Variants in PCDHGA4 observed in about 807,000 individuals in gnomAD.
PCDHGA4 encodes the protein protocadherin gamma-A4.
PCDHGA4 carries 38 observed loss-of-function variants against 54.6 expected under a neutral mutation model. The observed-to-expected ratio is 0.70, with a 90% CI of 0.54 to 0.91. The LOEUF is 0.91. Among genes scored for constraint, PCDHGA4 ranks in the 40% least tolerant of loss-of-function variants. The probability of loss-of-function intolerance (pLI) is 0.00; values close to 1 mark genes in which losing one functional copy is unlikely to be tolerated. For synonymous variants in PCDHGA4, 511 were observed against 512.9 expected (o/e 1.00, Z 0.05); for missense variants, 1,298 against 1,220.9 (o/e 1.06, Z -0.94).
Position 141,486,785 on chromosome 5 carries a change from C to G in PCDHGA4, c.2515-8022C>G, listed in dbSNP as rs763174232. The G allele has an allele frequency of 2.8e-5, 45 of 1,614,102 alleles. No homozygotes were observed. The highest frequency in any genetic ancestry group is 3.6e-5 in the Non-Finnish European group (42 of 1,180,050). On this transcript the variant is annotated intron_variant, in intron 1 of 3. Coordinates refer to ENST00000571252, the MANE Select transcript of PCDHGA4 (RefSeq NM_018917.4). The surrounding 1 kb of genome is among the most constrained non-coding windows in gnomAD (Gnocchi z 5.0). ...GACACTGCAGTTTGAGGTGCAGGCC[C>G]GGGATCGGGGCAACCCACCCCTTAG... is the stretch of plus-strand genomic sequence containing the variant.
At chr5:141,373,898 A>AT (rs1769937255) in intron 1 of PCDHGA4, 1 of 541,162 alleles carries the variant, frequency 1.8e-6, no homozygotes, top group Non-Finnish European at 3.1e-6. Flanking sequence ...CTCAAGTTAC[A>AT]TCCTCCAACA....
At chr5:141,375,704 C>T in intron 1 of PCDHGA4, 2 of 1,614,268 alleles carry the variant, frequency 1.2e-6, no homozygotes, top group Non-Finnish European at 1.7e-6. Flanking sequence ...CGGGGACCCG[C>T]CTCTTAGCAG....
In PCDHGA4 at chr5:141,432,002, G is replaced by T; in HGVS notation, c.2515-62805G>T. The T allele has an allele frequency of 6.2e-7, 1 of 1,614,186 alleles. No homozygotes were observed. The highest frequency in any genetic ancestry group is 1.1e-5 in the South Asian group (1 of 91,090). ...AGACATAGTCTTGGATAGGGAACAGGTTCCTAGCTACAACATCACAGTGAC... is the reference window on the plus strand; with the variant it reads ...AGACATAGTCTTGGATAGGGAACAGTTTCCTAGCTACAACATCACAGTGAC... On this transcript the variant is annotated intron_variant, in intron 1 of 3. Coordinates refer to ENST00000571252, the MANE Select transcript of PCDHGA4 (RefSeq NM_018917.4). The surrounding 1 kb of genome is among the most constrained non-coding windows in gnomAD (Gnocchi z 6.0).
intron 1 of PCDHGA4, chr5:141,478,531 C>A (rs771145308): frequency 8.1e-6 from 13 of 1,608,072 alleles, no homozygotes; most frequent in Admixed American, 5.1e-5. Context: ...GTGCAGAGAG[C>A]GCCCCTCCCG....
chr5:141,449,782 T>C (rs2098655261), intron 1 of PCDHGA4, among the ~76,000 whole-genome samples: 1 of 151,720 alleles, frequency 6.6e-6, no homozygotes, highest in South Asian at 2.1e-4. Flanking sequence ...GAAATTATGT[T>C]TCTTTATTCC....
chr5:141,394,100 A>G (rs370480326), intron 1 of PCDHGA4: 2 of 1,613,942 alleles, frequency 1.2e-6, no homozygotes, highest in Non-Finnish European at 1.7e-6. Context: ...ATCTAGGAAC[A>G]CCACCTCTGT....
chr5:141,410,045 G>C (rs962300160), intron 1 of PCDHGA4: 1 of 1,613,166 alleles, frequency 6.2e-7, no homozygotes. Context: ...CAGTGAGCCC[G>C]GACTCTTCAG....
At chr5:141,423,332 C>T in intron 1 of PCDHGA4, 1 of 1,614,198 alleles carries the variant, frequency 6.2e-7, no homozygotes, top group South Asian at 1.1e-5. Flanking sequence ...GCCGCAGTCT[C>T]CTGCATCTTC....
Position 141,355,419 on chromosome 5 carries a change from G to A in PCDHGA4, c.312G>A (p.Gln104=). Residue 104 remains glutamine, a synonymous_variant, in exon 1 of 4, where the codon CAG becomes CAA. Coordinates refer to ENST00000571252, the MANE Select transcript of PCDHGA4 (RefSeq NM_018917.4). ...GVRIVSRGRT[Q]LFALNPRSGT... ...GCATCGTCTCCAGAGGTAGGACGCA[G>A]CTTTTCGCCCTGAACCCGCGCAGCG... 1 of 1,614,042 alleles carries A rather than the reference G, an allele frequency of 6.2e-7. No homozygotes were observed. Among genetic ancestry groups the A allele is most frequent in the South Asian group, 1.1e-5 (1 of 91,092 alleles).
intron 1 of PCDHGA4, chr5:141,415,978 C>A: frequency 5.7e-6 from 2 of 353,430 alleles, no homozygotes; most frequent in Non-Finnish European, 9.4e-6. Flanking sequence ...CTTAAGCAAC[C>A]CTCTTGTTCT....
At chr5:141,419,729 G>A in intron 1 of PCDHGA4, 1 of 1,613,758 alleles carries the variant, frequency 6.2e-7, no homozygotes, top group Non-Finnish European at 8.5e-7. Context: ...GCTGCGAACA[G>A]GCGAGGTGCG....
intron 3 of PCDHGA4, 56 bp from the exon 4 acceptor site, chr5:141,510,891 G>A (rs945706652): frequency 8.7e-6 from 14 of 1,612,762 alleles, no homozygotes; most frequent in Middle Eastern, 1.6e-4. Flanking sequence ...ATATAAGACA[G>A]TGACTGTTGA....
intron 1 of PCDHGA4, chr5:141,374,905 C>CG (rs1561564899): frequency 1.9e-6 from 3 of 1,613,734 alleles, no homozygotes; most frequent in Non-Finnish European, 2.5e-6. Context: ...AAGGAGTCCA[C>CG]GGGGAAGTAA....
intron 1 of PCDHGA4, among the ~76,000 whole-genome samples, chr5:141,480,615 AT>A (rs1279544819): frequency 2.0e-5 from 3 of 152,218 alleles, no homozygotes; most frequent in African/African-American, 7.2e-5. Context: ...AGCAACTGGC[AT>A]TTTCCCTAGA....
Position 141,510,974 on chromosome 5 carries a change from G to T in PCDHGA4, c.2690G>T (p.Gly897Val). The T allele has an allele frequency of 6.2e-7, 1 of 1,614,150 alleles. No homozygotes were observed. The highest frequency in any genetic ancestry group is 1.1e-5 in the South Asian group (1 of 91,088). ...SEAADGSSTL[G>V]GGAGTMGLSA... ...GCTGCTGATGGGAGCTCCACCCTGG[G>T]AGGGGGTGCCGGCACCATGGGATTG... is the stretch of plus-strand genomic sequence containing the variant. The change falls in exon 4 of 4, where the codon GGA becomes GTA. Residue 897 changes from glycine (G) to valine (V), a missense_variant. Physicochemically the swap from Gly to Val is moderately radical, Grantham distance 109. Transcript: ENST00000571252.
At chr5:141,376,417 G>T (rs750081761) in intron 1 of PCDHGA4, 2 of 1,614,148 alleles carry the variant, frequency 1.2e-6, no homozygotes, top group South Asian at 1.1e-5. Flanking sequence ...ATGCCGACAC[G>T]CTTATCAACC....
chr5:141,357,648 C>G, intron 1 of PCDHGA4, 27 bp downstream of exon 1: 5 of 1,609,552 alleles, frequency 3.1e-6, no homozygotes, highest in Non-Finnish European at 4.2e-6. Flanking sequence ...ATAGATCATA[C>G]CACACTGAAA....
chr5:141,393,013 T>A (rs754075095), intron 1 of PCDHGA4: 1 of 1,613,694 alleles, frequency 6.2e-7, no homozygotes, highest in African/African-American at 1.3e-5. Context: ...GTCCGTATCG[T>A]CTCCAGAGGT....
intron 1 of PCDHGA4, chr5:141,372,254 C>A (rs776276298): frequency 5.6e-6 from 9 of 1,612,978 alleles, no homozygotes; most frequent in Admixed American, 1.7e-5. Flanking sequence ...TCAGCCTGGG[C>A]CTGCGCACGG....
Sources: gnomAD v4.1 joint callset for allele counts (sites outside exome capture counted in the v4.1 genomes callset) on GRCh38, gnomAD v4.1.1 for gene constraint, Gnocchi (gnomAD v3.1) non-coding constraint, MANE v1.5 for transcripts, NCBI Gene and HGNC (gene_info 2026-07-23, HGNC 2026-07-21) for gene names.